The following FRMPD4 variants were observed in gnomAD, a reference collection of about 807,000 sequenced individuals.
FRMPD4 encodes the protein FERM and PDZ domain-containing protein 4.
A neutral mutation model predicts 94.1 loss-of-function variants in FRMPD4; 22 were observed. The ratio of observed to expected loss-of-function variants is 0.23; its 90% CI spans 0.17 to 0.33. The LOEUF is 0.33. Ranked by LOEUF, FRMPD4 falls within the 10% of genes least tolerant of loss-of-function variation. The pLI, the probability that FRMPD4 is intolerant of heterozygous loss-of-function variation, is 1.00. For missense variants in FRMPD4, 1,111 were observed against 1,339.9 expected (o/e 0.83, Z 2.67); for synonymous variants, 631 against 548.6 (o/e 1.15, Z -2.10).
chrX:12,475,625 C>A (rs1322452762), intron 1 of FRMPD4, among the ~76,000 whole-genome samples: 6 of 112,075 alleles, frequency 5.4e-5, no homozygotes, highest in African/African-American at 2.0e-4. Flanking sequence ...TCTCACGATA[C>A]AAAATCATTG....
chrX:12,196,545 C>T (rs1297007959), intron 1 of FRMPD4, among the ~76,000 whole-genome samples: 2 of 109,881 alleles, frequency 1.8e-5, no homozygotes, highest in Non-Finnish European at 3.8e-5. Context: ...CCTCAGTGTA[C>T]ATCTTAAAAG....
At chrX:11,832,815 C>T (rs1589984) in intron 1 of FRMPD4, among the ~76,000 whole-genome samples, 30,565 of 110,967 alleles carry the variant, frequency 0.28, 3,141 homozygotes, top group Middle Eastern at 0.36. Flanking sequence ...GTGGTACATT[C>T]GTTACAATCA....
At chrX:11,847,894 A>AG (rs1344504273) in intron 1 of FRMPD4, among the ~76,000 whole-genome samples, 1 of 38,079 alleles carries the variant, frequency 2.6e-5, no homozygotes, top group Admixed American at 3.7e-4. Flanking sequence ...GGGTCGGGGG[A>AG]GGGGGGAGGG....
intron 3 of FRMPD4, among the ~76,000 whole-genome samples, chrX:11,941,746 A>G (rs1014771590): frequency 1.8e-5 from 2 of 112,266 alleles, no homozygotes; most frequent in African/African-American, 6.5e-5. Flanking sequence ...GACTAAAGGC[A>G]TGGAAGTTAT....
At chrX:11,833,325 G>T (rs1174883895) in intron 1 of FRMPD4, among the ~76,000 whole-genome samples, 2 of 111,982 alleles carry the variant, frequency 1.8e-5, no homozygotes, top group Admixed American at 9.5e-5. Flanking sequence ...GGTTTTGTGT[G>T]GACATAAGTT....
intron 1 of FRMPD4, among the ~76,000 whole-genome samples, chrX:12,250,392 G>A (rs1442950924): frequency 9.0e-6 from 1 of 110,675 alleles, no homozygotes; most frequent in Non-Finnish European, 1.9e-5. Context: ...ATCATCAAAT[G>A]TATCTACACT....
intron 3 of FRMPD4, among the ~76,000 whole-genome samples, chrX:11,961,396 A>C (rs1409604621): frequency 8.9e-6 from 1 of 112,184 alleles, no homozygotes; most frequent in South Asian, 3.7e-4. Flanking sequence ...CAGGGATGGA[A>C]AGTTGATTCT....
chrX:12,298,014 T>C (rs1056364924), intron 1 of FRMPD4, among the ~76,000 whole-genome samples: 18 of 111,893 alleles, frequency 1.6e-4, no homozygotes, highest in African/African-American at 3.9e-4. Context: ...TAATTAAGTA[T>C]GTAGGCCATA....
chrX:12,079,786 T>A (rs1464943770), intron 3 of FRMPD4, among the ~76,000 whole-genome samples: 3 of 112,541 alleles, frequency 2.7e-5, no homozygotes, highest in African/African-American at 9.7e-5. Flanking sequence ...CCTATTTAAG[T>A]CATTCTGCTA....
chrX:12,528,761 T>C (rs1239926480), intron 2 of FRMPD4, among the ~76,000 whole-genome samples: 1 of 112,230 alleles, frequency 8.9e-6, no homozygotes, highest in Non-Finnish European at 1.9e-5. Context: ...GACTCCTCTT[T>C]GAATCATCTT....
intron 1 of FRMPD4, among the ~76,000 whole-genome samples, chrX:12,284,013 G>A (rs1273712004): frequency 1.8e-5 from 2 of 111,645 alleles, no homozygotes; most frequent in Admixed American, 1.9e-4. Context: ...ACCTAATAAA[G>A]GTTCTGATAA....
At chrX:12,123,950 C>A (rs1011003533) in intron 3 of FRMPD4, among the ~76,000 whole-genome samples, 11 of 111,707 alleles carry the variant, frequency 9.8e-5, no homozygotes, top group Admixed American at 2.8e-4. Flanking sequence ...TTAAGATATA[C>A]AAGATATCCT....
intron 2 of FRMPD4, among the ~76,000 whole-genome samples, chrX:12,522,892 C>T (rs186100956): frequency 2.3e-4 from 26 of 111,848 alleles, no homozygotes; most frequent in Non-Finnish European, 4.1e-4. Context: ...CGTGAGCCAC[C>T]GCGCCCAGCT....
chrX:12,472,859 G>A (rs1473593459), intron 1 of FRMPD4, among the ~76,000 whole-genome samples: 2 of 111,175 alleles, frequency 1.8e-5, no homozygotes, highest in Non-Finnish European at 3.8e-5. Flanking sequence ...AAAGTGACGG[G>A]GAGAATGGAA....
chrX:12,260,247 A>G (rs190964882), intron 1 of FRMPD4, among the ~76,000 whole-genome samples: 32 of 111,182 alleles, frequency 2.9e-4, no homozygotes, highest in African/African-American at 1.0e-3. Flanking sequence ...TCTTACCTGA[A>G]TTTCAGAATA....
At position 12,723,065 on chromosome X, in the gene FRMPD4, TTAAG is replaced by T. The variant is rs2042268792; in HGVS notation, c.*1210_*1213del. On this transcript the variant is annotated 3_prime_UTR_variant, in exon 17 of 17. Transcript: ENST00000675598. Reference sequence around the variant, plus strand: ...AATCATGGGAGCCATGAGTAAATAGTTAAGTATTTATTAAATAAATACTTAATCT... The same window carrying T: ...AATCATGGGAGCCATGAGTAAATAGTTATTTATTAAATAAATACTTAATCT... 1 of 110,596 alleles carries T rather than the reference TTAAG, an allele frequency of 9.0e-6. No individual in the cohort carries two copies. Among genetic ancestry groups the T allele is most frequent in the East Asian group, 2.8e-4 (1 of 3,565 alleles). The allele number at this position is 110,596 out of a possible 1,213,427, so 9.1% of individuals were successfully genotyped here. A position where few individuals can be genotyped will look rare whatever the true frequency, so the allele number is the denominator to read the frequency against.
intron 3 of FRMPD4, among the ~76,000 whole-genome samples, chrX:11,895,486 G>C (rs2147324882): frequency 9.0e-6 from 1 of 111,210 alleles, no homozygotes; most frequent in East Asian, 2.8e-4. Context: ...TTGATCAAGG[G>C]GGAGAAGGAA....
At chrX:12,344,496 A>G (rs886094110) in intron 1 of FRMPD4, among the ~76,000 whole-genome samples, 4 of 111,229 alleles carry the variant, frequency 3.6e-5, no homozygotes, top group African/African-American at 1.3e-4. Flanking sequence ...TCGCATCCCC[A>G]TTTGCAGTCC....
chrX:12,495,091 C>G (rs1196956514), intron 1 of FRMPD4: 2 of 483,937 alleles, frequency 4.1e-6, no homozygotes, highest in African/African-American at 5.3e-5. Flanking sequence ...TCTGATGTTT[C>G]CTTCCGCCTT....
Sources: allele counts gnomAD v4.1 joint callset (sites outside exome capture counted in the v4.1 genomes callset), GRCh38; gene constraint gnomAD v4.1.1; transcripts MANE v1.5; gene names NCBI Gene and HGNC (gene_info 2026-07-23, HGNC 2026-07-21).